The following HS3ST5 variants were observed in gnomAD, a reference collection of about 807,000 sequenced individuals.
The protein encoded by HS3ST5 is heparan sulfate glucosamine 3-O-sulfotransferase 5.
In HS3ST5, 10 loss-of-function variants were observed where a neutral mutation model predicts 25.4. The observed-to-expected ratio is 0.39, with a 90% CI of 0.24 to 0.67. The LOEUF is 0.67. Among genes scored for constraint, HS3ST5 ranks in the 30% least tolerant of loss-of-function variants. HS3ST5 has a pLI of 0.44. For missense variants in HS3ST5, 324 were observed against 420.7 expected (o/e 0.77, Z 2.01); for synonymous variants, 170 against 162.4 (o/e 1.05, Z -0.36).
chr6:114,158,391 G>GA (rs1213896655), intron 3 of HS3ST5, among the ~76,000 whole-genome samples: 5 of 152,092 alleles, frequency 3.3e-5, no homozygotes, highest in Non-Finnish European at 5.9e-5. Context: ...TCTTAAAATT[G>GA]AAAAAACATC....
At chr6:114,082,500 C>T (rs527479359) in intron 3 of HS3ST5, among the ~76,000 whole-genome samples, 1 of 152,266 alleles carries the variant, frequency 6.6e-6, no homozygotes, top group East Asian at 1.9e-4. Context: ...AACACCTTCA[C>T]GGGGACCAGG....
At chr6:114,162,014 G>A (rs1053678886) in intron 3 of HS3ST5, among the ~76,000 whole-genome samples, 2 of 151,948 alleles carry the variant, frequency 1.3e-5, no homozygotes, top group Non-Finnish European at 2.9e-5. Context: ...AATTTTGGAG[G>A]TAAATGAAAC....
intron 3 of HS3ST5, among the ~76,000 whole-genome samples, chr6:114,108,568 C>T (rs1178500998): frequency 6.6e-6 from 1 of 152,104 alleles, no homozygotes; most frequent in Non-Finnish European, 1.5e-5. Flanking sequence ...AATATCTCTC[C>T]GGCGCCCTCT....
rs563183984 is a variant in HS3ST5 at position 114,176,966 on chromosome 6, C to T, written c.-144-8504G>A. Among the ~76,000 whole-genome samples the T allele has an allele frequency of 2.0e-5, 3 of 152,254 alleles. No individual in the cohort carries two copies. The South Asian group carries it at 6.2e-4, about 32-fold the overall frequency. ...AGCATTTTAGCAACAAACTCCCTAC[C>T]CATTTCCTGTTTTCAGTCATCTGTG... On this transcript the variant is annotated intron_variant, in intron 2 of 4. Coordinates refer to ENST00000312719, the MANE Select transcript of HS3ST5 (RefSeq NM_153612.4).
intron 3 of HS3ST5, among the ~76,000 whole-genome samples, chr6:114,117,354 A>T (rs1407592213): frequency 6.6e-6 from 1 of 152,118 alleles, no homozygotes; most frequent in African/African-American, 2.4e-5. Context: ...ATGGAACAAA[A>T]TATTTCTCCA....
intron 3 of HS3ST5, among the ~76,000 whole-genome samples, chr6:114,124,031 A>G (rs1776919778): frequency 6.6e-6 from 1 of 151,952 alleles, no homozygotes; most frequent in Non-Finnish European, 1.5e-5. Context: ...TGCCCTTAAC[A>G]TCTCCCTTCC....
rs536000718 is a variant in HS3ST5 at position 114,329,895 on chromosome 6, T to C, written c.-339+12300A>G. On this transcript the variant is annotated intron_variant, in intron 1 of 4. Coordinates refer to ENST00000312719, the MANE Select transcript of HS3ST5 (RefSeq NM_153612.4). ...AATAGAATTAGTAATTTGAGTTTTT[T>C]GTCCCAGGAAGAAAGAAAAAAGTTT... Among the ~76,000 whole-genome samples, 8 of 152,334 alleles carry C rather than the reference T, an allele frequency of 5.3e-5. No individual in the cohort carries two copies. In the South Asian group the frequency reaches 6.2e-4, roughly 12 times the overall value.
chr6:114,306,436 T>C (rs747361031), intron 1 of HS3ST5, among the ~76,000 whole-genome samples: 56 of 151,380 alleles, frequency 3.7e-4, no homozygotes, highest in South Asian at 1.0e-3. Context: ...GGATTACAAA[T>C]AGTATATAAT....
At chr6:114,267,994 T>C (rs1400148412) in intron 1 of HS3ST5, among the ~76,000 whole-genome samples, 1 of 152,228 alleles carries the variant, frequency 6.6e-6, no homozygotes, top group Admixed American at 6.5e-5. Context: ...TGTACAGATA[T>C]GCATTCGCAA....
intron 4 of HS3ST5, among the ~76,000 whole-genome samples, chr6:114,062,375 A>G (rs907909532): frequency 1.4e-4 from 21 of 152,196 alleles, no homozygotes; most frequent in African/African-American, 5.1e-4. Context: ...CATAAATTTC[A>G]AAAGAAAGAT....
At chr6:114,161,543 A>T (rs1307648071) in intron 3 of HS3ST5, among the ~76,000 whole-genome samples, 1 of 79,298 alleles carries the variant, frequency 1.3e-5, no homozygotes, top group South Asian at 4.3e-4. Context: ...ATATATATAT[A>T]TATATATATA....
rs1246532631 is a variant in HS3ST5, at chr6:114,057,668, A to C, written c.630T>G (p.Phe210Leu). 1.2e-6 allele frequency: 2 copies of C among 1,614,164 alleles called. No homozygotes were observed. The highest frequency in any genetic ancestry group is 3.3e-5 in the Admixed American group (2 of 60,018). Reference protein sequence around the residue: ...KERKNKTYYKFEKLAIDPNTC... With the variant: ...KERKNKTYYKLEKLAIDPNTC... ...TATTAGGGTCTATGGCCAGCTTCTCAAACTTGTAATAAGTTTTGTTCTTCC... is the reference window on the plus strand; with the variant it reads ...TATTAGGGTCTATGGCCAGCTTCTCCAACTTGTAATAAGTTTTGTTCTTCC... Residue 210 changes from phenylalanine (F) to leucine (L), a missense_variant, in exon 5 of 5, where the codon TTT becomes TTG. Phe to Leu is a conservative substitution (Grantham distance 22). Transcript: ENST00000312719.
intron 1 of HS3ST5, among the ~76,000 whole-genome samples, chr6:114,338,424 T>C (rs999007113): frequency 1.3e-5 from 2 of 151,546 alleles, no homozygotes; most frequent in African/African-American, 4.8e-5. Flanking sequence ...TCAAATAAAC[T>C]CTTCAACCAT....
intron 1 of HS3ST5, among the ~76,000 whole-genome samples, chr6:114,231,804 G>A (rs1324044266): frequency 6.8e-6 from 1 of 147,482 alleles, no homozygotes; most frequent in Non-Finnish European, 1.5e-5. Flanking sequence ...CTGGACATAA[G>A]CATGTAAAAT....
Position 114,159,836 on chromosome 6 carries a change from G to C in HS3ST5, c.-33+8515C>G, listed in dbSNP as rs1240998898. ...CTTAATTCTGCTAAAACTAACATTTGTTCCAGTCATAGATCAATAAAAACA... is the reference window on the plus strand; with the variant it reads ...CTTAATTCTGCTAAAACTAACATTTCTTCCAGTCATAGATCAATAAAAACA... On this transcript the variant is annotated intron_variant, in intron 3 of 4. Transcript: ENST00000312719. Among the ~76,000 whole-genome samples the C allele has an allele frequency of 2.2e-4, 34 of 152,120 alleles. 1 individual carries two copies. The highest frequency in any genetic ancestry group is 2.9e-5 in the Non-Finnish European group (2 of 68,016).
chr6:114,231,853 G>A (rs1771609591), intron 1 of HS3ST5, among the ~76,000 whole-genome samples: 1 of 151,710 alleles, frequency 6.6e-6, no homozygotes, highest in African/African-American at 2.4e-5. Flanking sequence ...TTGGGATCAT[G>A]AGAGGAAAAC....
At chr6:114,287,008 A>T (rs1292358813) in intron 1 of HS3ST5, among the ~76,000 whole-genome samples, 2 of 151,948 alleles carry the variant, frequency 1.3e-5, no homozygotes, top group African/African-American at 4.8e-5. Context: ...GTTAAAGATA[A>T]CTGAAGTTGT....
chr6:114,121,396 G>A (rs1323429944), intron 3 of HS3ST5, among the ~76,000 whole-genome samples: 1 of 152,094 alleles, frequency 6.6e-6, no homozygotes, highest in African/African-American at 2.4e-5. Flanking sequence ...GTAATGCAGT[G>A]CATCAAGGAC....
chr6:114,182,409 A>G (rs935823104), intron 2 of HS3ST5, among the ~76,000 whole-genome samples: 5 of 152,218 alleles, frequency 3.3e-5, no homozygotes, highest in African/African-American at 1.2e-4. Flanking sequence ...AAAAAATTCT[A>G]GAGAATAGTC....
Sources: gnomAD v4.1 joint callset for allele counts (sites outside exome capture counted in the v4.1 genomes callset) on GRCh38, gnomAD v4.1.1 for gene constraint, MANE v1.5 for transcripts, NCBI Gene and HGNC (gene_info 2026-07-23, HGNC 2026-07-21) for gene names.